Variants in C12orf42 observed in about 807,000 individuals in gnomAD.
C12orf42 encodes uncharacterized protein C12orf42.
Under a neutral mutation model 21.6 loss-of-function variants are expected in C12orf42, and 25 were observed. The ratio of observed to expected loss-of-function variants is 1.16; its 90% CI spans 0.84 to 1.62. The LOEUF (loss-of-function observed/expected upper bound fraction) is 1.62. Ranked by LOEUF, C12orf42 falls within the 40% of genes most tolerant of loss-of-function variation. The pLI is 0.00. For missense variants in C12orf42, 483 were observed against 459.3 expected (o/e 1.05, Z -0.47); for synonymous variants, 174 against 175.0 (o/e 0.99, Z 0.05).
At chr12:103,354,923 C>A (rs541013302) in intron 4 of C12orf42, among the ~76,000 whole-genome samples, 1 of 152,010 alleles carries the variant, frequency 6.6e-6, no homozygotes, top group Admixed American at 6.6e-5. Context: ...AATGTTCTCA[C>A]CAAAGAAATG....
At position 103,287,719 on chromosome 12, in the gene C12orf42, AAC is replaced by A. The variant is rs1172207420; in HGVS notation, n.338-10511_338-10510del. 5.9e-5 allele frequency among the ~76,000 whole-genome samples: 9 copies of A among 151,892 alleles called. No individual in the cohort carries two copies. The East Asian group carries it at 1.5e-3, about 26-fold the overall frequency. ...TTAAAGTATAATAATAAAAAAAAAA[AAC>A]AAAAAAAAGTGTTCATAACAGCTAT... On this transcript the variant is annotated intron_variant and non_coding_transcript_variant, in intron 4 of 6. Coordinates refer to the C12orf42 transcript ENST00000546526.
the C12orf42 span, among the ~76,000 whole-genome samples, chr12:103,219,730 AG>A: frequency 1.4e-4 from 22 of 152,260 alleles, no homozygotes; most frequent in South Asian, 4.1e-4. Flanking sequence ...CACACCAGTT[AG>A]AATGGCGATC....
the C12orf42 span, among the ~76,000 whole-genome samples, chr12:103,551,731 C>T: frequency 1.8e-4 from 28 of 152,130 alleles, no homozygotes; most frequent in Middle Eastern, 6.8e-3. Context: ...AGAGGAGAAT[C>T]ACTTGAACCC....
At chr12:103,371,701 G>A (rs1462042620) in intron 3 of C12orf42, among the ~76,000 whole-genome samples, 1 of 152,112 alleles carries the variant, frequency 6.6e-6, no homozygotes, top group African/African-American at 2.4e-5. Context: ...TGGACAGCAT[G>A]TGTGCATGGG....
chr12:103,321,280 G>A (rs2040076826), intron 4 of C12orf42, among the ~76,000 whole-genome samples: 2 of 151,488 alleles, frequency 1.3e-5, no homozygotes, highest in Admixed American at 6.6e-5. Context: ...ATCATCACTG[G>A]CCATCAGAGA....
chr12:103,462,547 G>T lies in C12orf42; in HGVS notation c.78+15802C>A, dbSNP rs554781181. On this transcript the variant is annotated intron_variant, in intron 2 of 5. Transcript: ENST00000548883. Reference sequence around the variant, plus strand: ...CTTCTTTACCAGCCCAAATGAGAATGTCCCCTAAAAGCCACACACAAAATA... The same window carrying T: ...CTTCTTTACCAGCCCAAATGAGAATTTCCCCTAAAAGCCACACACAAAATA... 2.6e-4 allele frequency among the ~76,000 whole-genome samples: 40 copies of T among 152,226 alleles called. 1 individual carries two copies. The South Asian group carries it at 8.1e-3, about 31-fold the overall frequency.
the C12orf42 span, among the ~76,000 whole-genome samples, chr12:103,201,003 C>A: frequency 1.9e-3 from 291 of 152,156 alleles, 1 homozygote; most frequent in African/African-American, 6.0e-3. Flanking sequence ...AAGCATTTTC[C>A]CTGCAAAAAG....
the C12orf42 span, among the ~76,000 whole-genome samples, chr12:103,226,679 C>T: frequency 9.9e-5 from 15 of 152,004 alleles, no homozygotes; most frequent in East Asian, 1.4e-3. Flanking sequence ...GATTATAGGG[C>T]GGAGGAGAAG....
the C12orf42 span, among the ~76,000 whole-genome samples, chr12:103,145,280 A>G: frequency 6.6e-6 from 1 of 152,188 alleles, no homozygotes; most frequent in Non-Finnish European, 1.5e-5. Flanking sequence ...GTAATTCTTA[A>G]GAGTTCTGAC....
the C12orf42 span, among the ~76,000 whole-genome samples, chr12:103,180,981 G>A: frequency 6.6e-6 from 1 of 152,018 alleles, no homozygotes; most frequent in Non-Finnish European, 1.5e-5. Context: ...TCAAGGATCT[G>A]GGTTGGGTGC....
intron 4 of C12orf42, among the ~76,000 whole-genome samples, chr12:103,339,271 T>C (rs971761597): frequency 6.6e-6 from 1 of 152,230 alleles, no homozygotes; most frequent in African/African-American, 2.4e-5. Context: ...ACTTGCGTCA[T>C]GGAGATGTGT....
the C12orf42 span, among the ~76,000 whole-genome samples, chr12:103,206,787 G>A: frequency 6.6e-6 from 1 of 152,066 alleles, no homozygotes; most frequent in Non-Finnish European, 1.5e-5. Context: ...GTTTCATCCA[G>A]CCAAGTGAGA....
chr12:103,511,375 T>C, the C12orf42 span, among the ~76,000 whole-genome samples: 1 of 149,992 alleles, frequency 6.7e-6, no homozygotes, highest in African/African-American at 2.4e-5. Flanking sequence ...TTATATAGTA[T>C]ACATTTATAT....
chr12:103,265,681 CAG>C (rs1305799739), downstream of C12orf42, among the ~76,000 whole-genome samples: 2 of 152,104 alleles, frequency 1.3e-5, no homozygotes, highest in Non-Finnish European at 2.9e-5. Context: ...CTTCTAGAAA[CAG>C]ACTCACGTGG....
rs772248795 is a variant in C12orf42 at position 103,401,657 on chromosome 12, G to C, written c.97C>G (p.Pro33Ala). 4 of 1,613,694 alleles carry C rather than the reference G, an allele frequency of 2.5e-6. No individual in the cohort carries two copies. The highest frequency in any genetic ancestry group is 3.4e-6 in the Non-Finnish European group (4 of 1,179,780). The change falls in exon 3 of 6, where the codon CCC becomes GCC. Residue 33 changes from proline (P) to alanine (A), a missense_variant. Coordinates refer to ENST00000548883, the MANE Select transcript of C12orf42 (RefSeq NM_198521.5). The part of the protein sequence containing the change: ...NRMQKSPCYI[P>A]IVSSATLWDR... ...CACAGGGTGGCACTGCTCACAATGG[G>C]AATATAGCAAGGGGATTTCTGAAAC...
chr12:103,094,280 G>A, the C12orf42 span, among the ~76,000 whole-genome samples: 1 of 152,190 alleles, frequency 6.6e-6, no homozygotes, highest in Middle Eastern at 3.4e-3. Flanking sequence ...AAAACACTTT[G>A]AGTGGTCTTC....
intron 4 of C12orf42, among the ~76,000 whole-genome samples, chr12:103,308,890 A>G (rs1217405419): frequency 6.6e-6 from 1 of 152,200 alleles, no homozygotes; most frequent in East Asian, 1.9e-4. Context: ...GAAGAATCCC[A>G]TGTGATAACG....
chr12:103,053,817 C>T, the C12orf42 span, among the ~76,000 whole-genome samples: 4 of 151,998 alleles, frequency 2.6e-5, no homozygotes, highest in East Asian at 5.8e-4. Context: ...GGCCTGTGAA[C>T]GTCCACTTGC....
chr12:103,057,222 T>C, the C12orf42 span, among the ~76,000 whole-genome samples: 1 of 151,724 alleles, frequency 6.6e-6, no homozygotes, highest in African/African-American at 2.4e-5. Context: ...CAGGGATACA[T>C]GTGCAGAATG....
Sources: gnomAD v4.1 joint callset for allele counts (sites outside exome capture counted in the v4.1 genomes callset) on GRCh38, gnomAD v4.1.1 for gene constraint, MANE v1.5 for transcripts, NCBI Gene and HGNC (gene_info 2026-07-23, HGNC 2026-07-21) for gene names.